The following CALD1 variants were observed in gnomAD, a reference collection of about 807,000 sequenced individuals.
The protein encoded by CALD1 is caldesmon.
CALD1 carries 33 observed loss-of-function variants against 99.9 expected under a neutral mutation model. The observed-to-expected ratio is 0.33, with a 90% CI of 0.25 to 0.44. CALD1 has a LOEUF of 0.44. CALD1 is among the 20% of genes least tolerant of loss of function. CALD1 has a pLI of 1.00. For missense variants in CALD1, 861 were observed against 962.1 expected, an observed-to-expected ratio of 0.89 and a Z score of 1.39; for synonymous variants, 310 against 325.0, an observed-to-expected ratio of 0.95 and a Z score of 0.50.
chr7:134,931,082 G>T (rs990731181), intron 4 of CALD1, among the ~76,000 whole-genome samples: 1 of 151,736 alleles, frequency 6.6e-6, no homozygotes, highest in Non-Finnish European at 1.5e-5. Flanking sequence ...GCTATTAATT[G>T]AAATCAAATT....
At chr7:134,813,068 G>A (rs1798415263) in intron 1 of CALD1, among the ~76,000 whole-genome samples, 1 of 152,214 alleles carries the variant, frequency 6.6e-6, no homozygotes, top group Non-Finnish European at 1.5e-5. Flanking sequence ...GATCAACTGT[G>A]TCAAACGCTC....
At chr7:134,852,048 T>C (rs750615705) in intron 2 of CALD1, among the ~76,000 whole-genome samples, 2 of 152,166 alleles carry the variant, frequency 1.3e-5, no homozygotes, top group African/African-American at 2.4e-5. Context: ...AGAGGAGATG[T>C]AGGCCTTGAC....
At chr7:134,965,834 CCAAAAAAAAA>C in intron 14 of CALD1, among the ~76,000 whole-genome samples, 1 of 82,148 alleles carries the variant, frequency 1.2e-5, no homozygotes, top group South Asian at 3.8e-4. Context: ...GTTGCTATGG[CCAAAAAAAAA>C]AAAAAAAATA....
intron 1 of CALD1, among the ~76,000 whole-genome samples, chr7:134,800,346 TAATC>T (rs1479160286): frequency 2.0e-5 from 3 of 152,126 alleles, no homozygotes; most frequent in Non-Finnish European, 2.9e-5. Flanking sequence ...ATTTTTTTCT[TAATC>T]AATTCATTTC....
chr7:134,942,793 G>A (rs1013578931), intron 7 of CALD1, among the ~76,000 whole-genome samples: 1 of 152,132 alleles, frequency 6.6e-6, no homozygotes, highest in African/African-American at 2.4e-5. Context: ...GAGAAATAAC[G>A]TTTAAGAAAA....
intron 2 of CALD1, among the ~76,000 whole-genome samples, chr7:134,851,858 G>A (rs1043493732): frequency 6.6e-6 from 1 of 152,302 alleles, no homozygotes; most frequent in East Asian, 1.9e-4. Context: ...ACTATAATGT[G>A]CCCAGAAGAA....
intron 12 of CALD1, 32 bp from the exon 13 acceptor site, chr7:134,960,501 C>T (rs1808180941): frequency 7.6e-7 from 1 of 1,310,246 alleles, no homozygotes; most frequent in East Asian, 2.3e-5. Flanking sequence ...TTACTTCATT[C>T]TTTAATATTT....
chr7:134,933,932 G>A lies in CALD1; in HGVS notation c.1163G>A (p.Arg388His), dbSNP rs775880471. 1.4e-5 allele frequency: 23 copies of A among 1,613,886 alleles called. No homozygotes were observed. The highest frequency in any genetic ancestry group is 8.8e-5 in the South Asian group (8 of 91,074). Reference protein sequence around the residue: ...EEKAKVEEQKRNKQLEEKKHA... With the variant: ...EEKAKVEEQKHNKQLEEKKHA... ...AAGGCTAAGGTAGAAGAGCAGAAAC[G>A]TAACAAGCAGCTAGAAGAGAAAAAA... Residue 388 changes from arginine (R) to histidine (H), a missense_variant, in exon 5 of 15, where the codon CGT (arginine) becomes CAT (histidine). Around this residue, in one of 5 missense-constraint regions of CALD1, gnomAD observed 293 missense variants for 262.7 expected, o/e 1.12. Transcript: ENST00000361675.
the CALD1 span, among the ~76,000 whole-genome samples, chr7:134,725,989 G>A: frequency 2.0e-5 from 3 of 152,170 alleles, no homozygotes; most frequent in Non-Finnish European, 2.9e-5. Flanking sequence ...CTCTAGTACT[G>A]TGAAATAATA....
chr7:134,722,650 G>A, the CALD1 span, among the ~76,000 whole-genome samples: 1 of 152,088 alleles, frequency 6.6e-6, no homozygotes, highest in African/African-American at 2.4e-5. Context: ...TCGAACTCCT[G>A]ACCTCGTGAT....
intron 3 of CALD1, among the ~76,000 whole-genome samples, chr7:134,886,305 A>C (rs1563067951): frequency 6.6e-6 from 1 of 152,242 alleles, no homozygotes; most frequent in African/African-American, 2.4e-5. Flanking sequence ...TAAGGCCTGG[A>C]ACTGGTTCTT....
upstream of CALD1, among the ~76,000 whole-genome samples, chr7:134,778,233 A>C (rs150953464): frequency 2.0e-3 from 309 of 152,332 alleles, 3 homozygotes; most frequent in African/African-American, 7.2e-3. Flanking sequence ...TAACTTGTTA[A>C]TGCTGGAAGG....
chr7:134,958,889 A>ATATATATTAAC (rs1554479126), intron 11 of CALD1, among the ~76,000 whole-genome samples: 1 of 140,108 alleles, frequency 7.1e-6, no homozygotes, highest in African/African-American at 2.7e-5. Context: ...ATATATATAT[A>ATATATATTAAC]TATATATATA....
chr7:134,809,755 A>G (rs1026874144), intron 1 of CALD1: 2 of 152,180 alleles, frequency 1.3e-5, no homozygotes, highest in African/African-American at 4.8e-5. Context: ...ATTCCCTCAA[A>G]TCAACTTTGG....
chr7:134,879,962 A>G (rs1383593249), intron 3 of CALD1, among the ~76,000 whole-genome samples: 1 of 152,200 alleles, frequency 6.6e-6, no homozygotes, highest in East Asian at 1.9e-4. Context: ...AAGCCTGTAC[A>G]TTCAGGAGAG....
chr7:134,882,288 A>C (rs774724804), intron 3 of CALD1, among the ~76,000 whole-genome samples: 10 of 152,198 alleles, frequency 6.6e-5, no homozygotes, highest in Non-Finnish European at 1.0e-4. Context: ...CCTTCAAGCC[A>C]TTGCAATTTC....
At chr7:134,905,695 A>C (rs987698209) in intron 3 of CALD1, among the ~76,000 whole-genome samples, 31 of 151,410 alleles carry the variant, frequency 2.0e-4, no homozygotes, top group Middle Eastern at 3.4e-3. Flanking sequence ...GGATCTAGCA[A>C]GAGACTTTGA....
chr7:134,779,909 C>T (rs926121985), intron 1 of CALD1, among the ~76,000 whole-genome samples, 160 bp downstream of exon 1: 5 of 152,250 alleles, frequency 3.3e-5, no homozygotes, highest in African/African-American at 1.2e-4. Context: ...CACTGCCATA[C>T]GGATATTCCC....
intron 7 of CALD1, 81 bp downstream of exon 7, chr7:134,941,318 C>T: frequency 1.7e-6 from 2 of 1,165,928 alleles, no homozygotes; most frequent in Non-Finnish European, 2.4e-6. Flanking sequence ...CCATCCTGTG[C>T]TTCCAGACAG....
Sources: allele counts gnomAD v4.1 joint callset (sites outside exome capture counted in the v4.1 genomes callset), GRCh38; gene constraint gnomAD v4.1.1; regional missense constraint gnomAD v4.1.1; transcripts MANE v1.5; gene names NCBI Gene and HGNC (gene_info 2026-07-23, HGNC 2026-07-21).